The following CNTNAP3B variants were observed in gnomAD, a reference collection of about 807,000 sequenced individuals.
The protein encoded by CNTNAP3B is contactin associated protein family member 3B.
In CNTNAP3B, 25 loss-of-function variants were observed where a neutral mutation model predicts 108.9. That is an observed-to-expected ratio of 0.23 (90% confidence interval 0.17 to 0.32). The LOEUF is 0.32. CNTNAP3B is among the 10% of genes least tolerant of loss of function. The probability of loss-of-function intolerance (pLI) is 1.00; values close to 1 mark genes in which losing one functional copy is unlikely to be tolerated. For missense variants in CNTNAP3B, 252 were observed against 1,210.4 expected, an observed-to-expected ratio of 0.21 and a Z score of 11.75; for synonymous variants, 103 against 473.4, an observed-to-expected ratio of 0.22 and a Z score of 10.16.
chr9:42,089,900 G>A (rs1376048582), intron 2 of CNTNAP3B, among the ~76,000 whole-genome samples: 1 of 139,854 alleles, frequency 7.2e-6, no homozygotes, highest in African/African-American at 2.8e-5. Flanking sequence ...TACTCTGCAC[G>A]TGAGAGTTCA....
intron 3 of CNTNAP3B, among the ~76,000 whole-genome samples, chr9:42,067,028 AAGG>A (rs1377529483): frequency 1.3e-5 from 2 of 152,116 alleles, no homozygotes; most frequent in African/African-American, 4.8e-5. Context: ...GGAAAGAGGA[AAGG>A]AGATTATGCG....
chr9:42,043,172 C>CTTT (rs34086655), intron 3 of CNTNAP3B, among the ~76,000 whole-genome samples: 6,264 of 81,520 alleles, frequency 0.077, 47 homozygotes, highest in Middle Eastern at 0.16. Flanking sequence ...TTCTTTTATT[C>CTTT]TTTTTTTTTT....
chr9:41,985,421 AC>A (rs1825689104), intron 9 of CNTNAP3B, among the ~76,000 whole-genome samples: 1 of 28,278 alleles, frequency 3.5e-5, no homozygotes, highest in Non-Finnish European at 6.1e-5. Context: ...TTAGGGCTCC[AC>A]CCTCCTGACT....
intron 9 of CNTNAP3B, among the ~76,000 whole-genome samples, chr9:41,971,048 C>T (rs1379777108): frequency 6.7e-6 from 1 of 149,298 alleles, no homozygotes. Flanking sequence ...TCACTACAAT[C>T]GTCAGCTAAT....
intron 3 of CNTNAP3B, among the ~76,000 whole-genome samples, chr9:42,036,145 C>T (rs2010764316): frequency 6.7e-6 from 1 of 149,606 alleles, no homozygotes; most frequent in African/African-American, 2.5e-5. Context: ...ACCTCAAGCA[C>T]TCTTCCCATT....
intron 9 of CNTNAP3B, among the ~76,000 whole-genome samples, chr9:41,983,122 G>C (rs1490201652): frequency 7.5e-6 from 1 of 133,122 alleles, no homozygotes; most frequent in Non-Finnish European, 1.6e-5. Flanking sequence ...GGAATAATCT[G>C]TACCCCAAGC....
intron 13 of CNTNAP3B, among the ~76,000 whole-genome samples, chr9:41,939,519 A>T (rs950436141): frequency 5.9e-5 from 9 of 152,290 alleles, no homozygotes; most frequent in African/African-American, 2.2e-4. Context: ...AAACAACGAA[A>T]AAAAGGCAAT....
intron 11 of CNTNAP3B, among the ~76,000 whole-genome samples, chr9:41,963,567 T>G (rs201182855): frequency 6.6e-6 from 1 of 151,148 alleles, no homozygotes; most frequent in African/African-American, 2.4e-5. Context: ...GTTCTTACAC[T>G]TAAATGTCTA....
intron 9 of CNTNAP3B, among the ~76,000 whole-genome samples, chr9:41,973,076 T>A (rs1825453242): frequency 1.4e-5 from 2 of 140,268 alleles, no homozygotes; most frequent in Admixed American, 1.4e-4. Context: ...TGGCTGGGAC[T>A]ACAGACACGC....
intron 14 of CNTNAP3B, among the ~76,000 whole-genome samples, chr9:41,934,084 C>T: frequency 1.4e-5 from 1 of 72,082 alleles, no homozygotes; most frequent in Admixed American, 1.7e-4. Flanking sequence ...GTCAATTTGC[C>T]TTTGCATATT....
Position 42,112,437 on chromosome 9 carries a change from T to C in CNTNAP3B, c.86-7698A>G, listed in dbSNP as rs141313434. The stretch of plus-strand genomic sequence containing the variant: ...AGAGGGAACAGGAGAACCTCACTCC[T>C]GAGAAAGGAGCCTTGCCTGCTGACT... On this transcript the variant is annotated intron_variant, in intron 1 of 23. Coordinates refer to ENST00000377561, the MANE Select transcript of CNTNAP3B (RefSeq NM_001201380.3). Among the ~76,000 whole-genome samples, 3 of 138,764 alleles carry C rather than the reference T, an allele frequency of 2.2e-5. 1 individual carries two copies. 91.0% of individuals were successfully genotyped at this position (138,764 alleles called of 152,430 possible).
At chr9:42,110,010 T>C (rs1416453872) in intron 1 of CNTNAP3B, among the ~76,000 whole-genome samples, 4 of 138,450 alleles carry the variant, frequency 2.9e-5, no homozygotes, top group Non-Finnish European at 6.2e-5. Flanking sequence ...CCTAGAGCCT[T>C]CGTAGGGAGT....
chr9:42,086,429 T>C (rs1290916312), intron 2 of CNTNAP3B, among the ~76,000 whole-genome samples: 1 of 138,572 alleles, frequency 7.2e-6, no homozygotes, highest in Non-Finnish European at 1.5e-5. Flanking sequence ...TTTTTGCATT[T>C]ACTTTTTTTT....
At chr9:42,107,932 G>A (rs1313813451) in intron 1 of CNTNAP3B, among the ~76,000 whole-genome samples, 2 of 125,156 alleles carry the variant, frequency 1.6e-5, no homozygotes, top group Non-Finnish European at 1.7e-5. Context: ...CCCAGATGGT[G>A]CCAGTACACT....
At chr9:41,936,231 C>A (rs1212770978) in intron 14 of CNTNAP3B, among the ~76,000 whole-genome samples, 1 of 152,136 alleles carries the variant, frequency 6.6e-6, no homozygotes, top group Non-Finnish European at 1.5e-5. Flanking sequence ...GAGCTGAGAT[C>A]GCACCACTGC....
At chr9:41,932,721 T>A (rs1824017967) in intron 14 of CNTNAP3B, among the ~76,000 whole-genome samples, 1 of 152,002 alleles carries the variant, frequency 6.6e-6, no homozygotes, top group Non-Finnish European at 1.5e-5. Context: ...GGTTTCACCA[T>A]GTTGGTCAGG....
Position 42,026,548 on chromosome 9 carries a change from C to A in CNTNAP3B, c.391-13023G>T, listed in dbSNP as rs529738942. Among the ~76,000 whole-genome samples the A allele has an allele frequency of 2.2e-5, 2 of 91,318 alleles. 1 individual carries two copies. The highest frequency in any genetic ancestry group is 6.7e-4 in the South Asian group (2 of 2,990). The allele number at this position is 91,318 out of a possible 152,430, so 59.9% of individuals were successfully genotyped here. A position where few individuals can be genotyped will look rare whatever the true frequency, so the allele number is the denominator to read the frequency against. On this transcript the variant is annotated intron_variant, in intron 3 of 23. Transcript: ENST00000377561. ...CTTGCAGCGAGCCCAGATGGCTCCACGGCACGGCACTCCAGCCCGGGCGAC... is the reference window on the plus strand; with the variant it reads ...CTTGCAGCGAGCCCAGATGGCTCCAAGGCACGGCACTCCAGCCCGGGCGAC...
At chr9:41,939,171 A>T (rs1482556545) in intron 13 of CNTNAP3B, among the ~76,000 whole-genome samples, 2 of 152,296 alleles carry the variant, frequency 1.3e-5, no homozygotes, top group Non-Finnish European at 1.5e-5. Flanking sequence ...CTGACAGCAC[A>T]TCACAGTAAA....
intron 4 of CNTNAP3B, among the ~76,000 whole-genome samples, chr9:42,011,112 G>T (rs1826122732): frequency 9.3e-6 from 1 of 107,300 alleles, no homozygotes; most frequent in Admixed American, 9.6e-5. Context: ...GCATGCAAAG[G>T]TGCATGGAAA....
Sources: gnomAD v4.1 joint callset for allele counts (sites outside exome capture counted in the v4.1 genomes callset) on GRCh38, gnomAD v4.1.1 for gene constraint, MANE v1.5 for transcripts, NCBI Gene and HGNC (gene_info 2026-07-23, HGNC 2026-07-21) for gene names.